SYTL3: variants seen among roughly 807,000 people sequenced by gnomAD.
The protein encoded by SYTL3 is synaptotagmin-like protein 3.
SYTL3 carries 88 observed loss-of-function variants against 82.1 expected under a neutral mutation model. The ratio of observed to expected loss-of-function variants is 1.07; its 90% CI spans 0.90 to 1.28. The LOEUF is 1.28. Among genes scored for constraint, SYTL3 ranks in the 50% most tolerant of loss-of-function variants. The probability of loss-of-function intolerance (pLI) is 0.00; values close to 1 mark genes in which losing one functional copy is unlikely to be tolerated. For synonymous variants in SYTL3, 311 were observed against 289.4 expected (o/e 1.07, Z -0.76); for missense variants, 831 against 757.6 (o/e 1.10, Z -1.14).
At chr6:158,694,523 G>A (rs1780360292) in intron 6 of SYTL3, among the ~76,000 whole-genome samples, 1 of 151,770 alleles carries the variant, frequency 6.6e-6, no homozygotes, top group South Asian at 2.1e-4. Context: ...CTGAACTCCT[G>A]GGCTCAAGTG....
chr6:158,676,209 A>G (rs1778012184), intron 5 of SYTL3, among the ~76,000 whole-genome samples: 1 of 152,246 alleles, frequency 6.6e-6, no homozygotes, highest in Non-Finnish European at 1.5e-5. Context: ...AAACAGAGAT[A>G]TAGACCAATG....
intron 17 of SYTL3, 31 bp downstream of exon 17, chr6:158,763,540 A>G (rs772433992): frequency 3.2e-6 from 5 of 1,577,432 alleles, no homozygotes; most frequent in Non-Finnish European, 4.4e-6. Context: ...CCAAACGTTT[A>G]TACTTTGTGA....
chr6:158,732,009 C>G (rs1785475908), intron 11 of SYTL3, among the ~76,000 whole-genome samples: 1 of 152,208 alleles, frequency 6.6e-6, no homozygotes, highest in Non-Finnish European at 1.5e-5. Flanking sequence ...ATCTCTGTCC[C>G]TCTTGGACTT....
intron 10 of SYTL3, among the ~76,000 whole-genome samples, chr6:158,724,897 C>T (rs2128479944): frequency 6.6e-6 from 1 of 152,278 alleles, no homozygotes; most frequent in East Asian, 1.9e-4. Context: ...TGCCTGTGGT[C>T]CCAGCCACTT....
intron 11 of SYTL3, among the ~76,000 whole-genome samples, chr6:158,739,665 A>G (rs931975758): frequency 6.6e-6 from 1 of 151,980 alleles, no homozygotes; most frequent in South Asian, 2.1e-4. Context: ...GCACAGCCCT[A>G]GCTCACTGCA....
intron 11 of SYTL3, among the ~76,000 whole-genome samples, chr6:158,731,022 C>T (rs901137048): frequency 1.3e-5 from 2 of 152,148 alleles, no homozygotes; most frequent in Non-Finnish European, 2.9e-5. Flanking sequence ...TGGTGGCTCA[C>T]GCCTGTAATC....
chr6:158,669,774 G>A (rs559029587), intron 5 of SYTL3, among the ~76,000 whole-genome samples: 36 of 152,278 alleles, frequency 2.4e-4, no homozygotes, highest in Middle Eastern at 3.4e-3. Context: ...TAAGATCTTG[G>A]AATTTATCAA....
At chr6:158,671,504 C>T (rs986464158) in intron 5 of SYTL3, among the ~76,000 whole-genome samples, 4 of 152,084 alleles carry the variant, frequency 2.6e-5, no homozygotes, top group Admixed American at 6.5e-5. Context: ...GTGGCTCATG[C>T]CTGTAATCCC....
At chr6:158,658,605 T>C (rs1196346597) in intron 2 of SYTL3, among the ~76,000 whole-genome samples, 2 of 152,128 alleles carry the variant, frequency 1.3e-5, no homozygotes, top group Admixed American at 1.3e-4. Flanking sequence ...ACCCCTTCTT[T>C]GGAGTGGACC....
At chr6:158,762,869 A>G (rs1202809480) in intron 16 of SYTL3, among the ~76,000 whole-genome samples, 1 of 152,148 alleles carries the variant, frequency 6.6e-6, no homozygotes, top group African/African-American at 2.4e-5. Flanking sequence ...GTGAGCTGAG[A>G]TGGTGCCACT....
At chr6:158,663,769 G>A (rs559020799) in intron 4 of SYTL3, 215 of 231,504 alleles carry the variant, frequency 9.3e-4, no homozygotes, top group African/African-American at 4.3e-3. Context: ...TGACGGTGCC[G>A]GGAGGTGTAA....
intron 8 of SYTL3, 78 bp from the exon 9 acceptor site, chr6:158,713,722 T>C (rs1192135290): frequency 9.3e-6 from 10 of 1,070,794 alleles, no homozygotes; most frequent in African/African-American, 1.6e-5. Flanking sequence ...TGTTTTGGGG[T>C]TGGCAGCCTG....
chr6:158,739,011 C>G (rs940693674), intron 11 of SYTL3, among the ~76,000 whole-genome samples: 2 of 152,204 alleles, frequency 1.3e-5, no homozygotes, highest in Non-Finnish European at 2.9e-5. Context: ...CCTTTCCCCT[C>G]CCACTCACAC....
chr6:158,737,987 T>C (rs1009684660), intron 11 of SYTL3, among the ~76,000 whole-genome samples: 1 of 152,224 alleles, frequency 6.6e-6, no homozygotes, highest in Non-Finnish European at 1.5e-5. Context: ...GTTTATCTAC[T>C]TATAAAATGA....
Position 158,757,354 on chromosome 6 carries a change from C to T in SYTL3, c.1281C>T (p.Ser427=), listed in dbSNP as rs776914588. Residue 427 remains serine, a synonymous_variant, in exon 14 of 18, where the codon TCC becomes TCT. Transcript: ENST00000611299. ...ACTTTGAAGACAGCACAACACAGTC[C>T]TTCCGCTGGCATCCGCTCCGGGCCA... ...TWDFEDSTTQ[S]FRWHPLRAKA... The T allele has an allele frequency of 2.5e-6, 4 of 1,614,056 alleles. No homozygotes were observed. In the South Asian group the frequency reaches 3.3e-5, roughly 13 times the overall value.
chr6:158,725,326 CGTGT>C (rs138428767), intron 10 of SYTL3, among the ~76,000 whole-genome samples, 173 bp from the exon 11 acceptor site: 7 of 150,566 alleles, frequency 4.6e-5, no homozygotes, highest in South Asian at 2.1e-4. Flanking sequence ...TGTGTGTGTG[CGTGT>C]GTGTGTGTGT....
At chr6:158,676,928 A>C (rs1023150811) in intron 5 of SYTL3, among the ~76,000 whole-genome samples, 1 of 151,402 alleles carries the variant, frequency 6.6e-6, no homozygotes, top group Non-Finnish European at 1.5e-5. Context: ...GAGGATGTGG[A>C]GAAATAGGAA....
chr6:158,678,463 A>T (rs1022159891), intron 5 of SYTL3, among the ~76,000 whole-genome samples: 17 of 152,268 alleles, frequency 1.1e-4, no homozygotes, highest in African/African-American at 4.1e-4. Context: ...GCATTACAAC[A>T]CGTGTGTTTG....
At chr6:158,653,606 G>A (rs914401257) in intron 2 of SYTL3, among the ~76,000 whole-genome samples, 1 of 152,200 alleles carries the variant, frequency 6.6e-6, no homozygotes, top group Non-Finnish European at 1.5e-5. Context: ...CTGTGTACGA[G>A]GCAGAAAGCA....
Sources: gnomAD v4.1 joint callset for allele counts (sites outside exome capture counted in the v4.1 genomes callset) on GRCh38, gnomAD v4.1.1 for gene constraint, MANE v1.5 for transcripts, NCBI Gene and HGNC (gene_info 2026-07-23, HGNC 2026-07-21) for gene names.